RABGAP1L: variants seen among roughly 807,000 people sequenced by gnomAD.
RABGAP1L encodes the protein rab GTPase-activating protein 1-like.
A neutral mutation model predicts 137.7 loss-of-function variants in RABGAP1L; 63 were observed. That is an observed-to-expected ratio of 0.46 (90% CI 0.37 to 0.56). The LOEUF is 0.56. Ranked by LOEUF, RABGAP1L falls within the 20% of genes least tolerant of loss-of-function variation. The pLI is 0.00. For missense variants in RABGAP1L, 1,095 were observed against 1,244.0 expected, an observed-to-expected ratio of 0.88 and a Z score of 1.80; for synonymous variants, 431 against 433.7, an observed-to-expected ratio of 0.99 and a Z score of 0.08.
chr1:174,713,102 C>A (rs1299886456), intron 17 of RABGAP1L, among the ~76,000 whole-genome samples: 2 of 152,206 alleles, frequency 1.3e-5, no homozygotes, highest in South Asian at 2.1e-4. Context: ...CACTTCCTTG[C>A]CCCCATACTA....
chr1:174,615,319 T>C (rs1228006994), intron 13 of RABGAP1L, among the ~76,000 whole-genome samples: 1 of 152,214 alleles, frequency 6.6e-6, no homozygotes, highest in African/African-American at 2.4e-5. Flanking sequence ...TGCAGGTCTT[T>C]TGGGGTTTGC....
intron 3 of RABGAP1L, among the ~76,000 whole-genome samples, chr1:174,226,997 GAAT>G (rs1558048404): frequency 6.6e-6 from 1 of 151,958 alleles, no homozygotes; most frequent in Non-Finnish European, 1.5e-5. Context: ...ATCAAAAGGA[GAAT>G]AATATTGTGA....
chr1:174,936,737 T>A (rs1029825116), intron 19 of RABGAP1L, among the ~76,000 whole-genome samples: 2 of 152,178 alleles, frequency 1.3e-5, no homozygotes, highest in South Asian at 2.1e-4. Flanking sequence ...AATATTTGCT[T>A]ATGAAAAGAT....
At chr1:174,549,644 G>T (rs1361452835) in intron 13 of RABGAP1L, among the ~76,000 whole-genome samples, 2 of 152,258 alleles carry the variant, frequency 1.3e-5, no homozygotes, top group East Asian at 1.9e-4. Context: ...CTATTGAAAA[G>T]CCAAGCCAAC....
intron 18 of RABGAP1L, among the ~76,000 whole-genome samples, chr1:174,755,884 A>G (rs977972160): frequency 6.6e-6 from 1 of 152,188 alleles, no homozygotes; most frequent in African/African-American, 2.4e-5. Context: ...CACTAAACAC[A>G]TGTAAGGGTT....
rs572634244 is a variant in RABGAP1L at position 174,675,423 on chromosome 1, G to C, written c.1825-8099G>C. On this transcript the variant is annotated intron_variant, in intron 14 of 25. Transcript: ENST00000681986. Reference sequence around the variant, plus strand: ...TAGATATGTGGCGTTATTTCTGAGGGCTCTGTTCTGTTCCATTGATCTATA... The same window carrying C: ...TAGATATGTGGCGTTATTTCTGAGGCCTCTGTTCTGTTCCATTGATCTATA... Among the ~76,000 whole-genome samples the C allele has an allele frequency of 8.1e-4, 123 of 151,608 alleles. 1 individual carries two copies. The highest frequency in any genetic ancestry group is 2.9e-3 in the African/African-American group (118 of 41,284).
chr1:174,532,956 C>A (rs904137438), intron 13 of RABGAP1L, among the ~76,000 whole-genome samples: 1 of 152,148 alleles, frequency 6.6e-6, no homozygotes, highest in East Asian at 1.9e-4. Context: ...ACACTATAGC[C>A]GGGCACAGTG....
intron 19 of RABGAP1L, among the ~76,000 whole-genome samples, chr1:174,833,094 T>A (rs1271266280): frequency 6.6e-6 from 1 of 152,162 alleles, no homozygotes. Flanking sequence ...ACTACCTCTT[T>A]TACTCACTAT....
intron 13 of RABGAP1L, among the ~76,000 whole-genome samples, chr1:174,435,696 A>C (rs1174799449): frequency 2.6e-5 from 4 of 151,792 alleles, no homozygotes; most frequent in African/African-American, 9.7e-5. Context: ...GGGTACATGT[A>C]CACAACGTGC....
chr1:174,675,294 G>A (rs982759923), intron 14 of RABGAP1L, among the ~76,000 whole-genome samples: 11 of 151,298 alleles, frequency 7.3e-5, no homozygotes, highest in Admixed American at 7.2e-4. Context: ...TCCAGTTTCA[G>A]CTTTCTGCAT....
intron 13 of RABGAP1L, among the ~76,000 whole-genome samples, chr1:174,484,699 T>C (rs1160569116): frequency 1.3e-5 from 2 of 152,158 alleles, no homozygotes; most frequent in African/African-American, 2.4e-5. Flanking sequence ...AATGAATTCA[T>C]TGTAGATGTG....
intron 18 of RABGAP1L, among the ~76,000 whole-genome samples, chr1:174,768,512 T>C (rs1479569601): frequency 6.6e-6 from 1 of 152,030 alleles, no homozygotes; most frequent in Non-Finnish European, 1.5e-5. Context: ...AAGGGAAAAA[T>C]ACCTCAAATG....
chr1:174,731,470 T>C (rs1682467536), intron 17 of RABGAP1L, among the ~76,000 whole-genome samples: 1 of 152,248 alleles, frequency 6.6e-6, no homozygotes, highest in Non-Finnish European at 1.5e-5. Context: ...TTTAATTCTT[T>C]TGCTTTTACA....
At chr1:174,308,189 CAT>C (rs1357738952) in intron 11 of RABGAP1L, among the ~76,000 whole-genome samples, 1 of 151,806 alleles carries the variant, frequency 6.6e-6, no homozygotes, top group East Asian at 1.9e-4. Flanking sequence ...GCAAAATTCA[CAT>C]ATATATGTGT....
chr1:174,890,173 C>T (rs978926859), intron 19 of RABGAP1L, among the ~76,000 whole-genome samples: 4 of 152,156 alleles, frequency 2.6e-5, no homozygotes, highest in Admixed American at 2.0e-4. Flanking sequence ...TTTGAGACAT[C>T]GTCAAAGAGA....
intron 17 of RABGAP1L, among the ~76,000 whole-genome samples, chr1:174,704,643 C>A (rs1051548089): frequency 1.3e-5 from 2 of 152,116 alleles, no homozygotes; most frequent in Non-Finnish European, 2.9e-5. Flanking sequence ...GTTAATTCTC[C>A]GACTTGTTTT....
At chr1:174,385,032 G>A (rs996073623) in intron 12 of RABGAP1L, among the ~76,000 whole-genome samples, 10 of 152,106 alleles carry the variant, frequency 6.6e-5, no homozygotes, top group African/African-American at 2.2e-4. Context: ...ATCATGTCAT[G>A]GTGAGATATT....
chr1:174,195,468 T>C (rs1667503759), intron 1 of RABGAP1L, among the ~76,000 whole-genome samples: 1 of 152,142 alleles, frequency 6.6e-6, no homozygotes. Context: ...CCTTCTCGTA[T>C]TTTTTTGAGA....
At chr1:174,678,167 A>G (rs1341636830) in intron 14 of RABGAP1L, among the ~76,000 whole-genome samples, 2 of 152,154 alleles carry the variant, frequency 1.3e-5, no homozygotes, top group Admixed American at 1.3e-4. Context: ...TTTTTTGAAA[A>G]ACACAAATTA....
Sources: gnomAD v4.1 joint callset for allele counts (sites outside exome capture counted in the v4.1 genomes callset) on GRCh38, gnomAD v4.1.1 for gene constraint, MANE v1.5 for transcripts, NCBI Gene and HGNC (gene_info 2026-07-23, HGNC 2026-07-21) for gene names.